ABCB5: variants seen among roughly 807,000 people sequenced by gnomAD.
ABCB5 encodes the protein ATP binding cassette subfamily B member 5.
Under a neutral mutation model 144.2 loss-of-function variants are expected in ABCB5, and 155 were observed. The observed-to-expected ratio is 1.08, with a 90% CI of 0.94 to 1.23. The LOEUF (loss-of-function observed/expected upper bound fraction) is 1.23, where lower values mean the gene tolerates loss of function less well. Ranked by LOEUF, ABCB5 falls within the 50% of genes most tolerant of loss-of-function variation. The probability of loss-of-function intolerance (pLI) is 0.00; values close to 1 mark genes in which losing one functional copy is unlikely to be tolerated. For missense variants in ABCB5, 1,830 were observed against 1,520.8 expected (o/e 1.20, Z -3.38); for synonymous variants, 610 against 528.6 (o/e 1.15, Z -2.11).
At chr7:20,659,057 C>G in intron 14 of ABCB5, 1 of 1,613,824 alleles carries the variant, frequency 6.2e-7, no homozygotes, top group Non-Finnish European at 8.5e-7. Flanking sequence ...GACCACTTTT[C>G]TTCTTTAGGA....
At chr7:20,682,583 T>C (rs1022592451) in intron 15 of ABCB5, among the ~76,000 whole-genome samples, 2 of 152,146 alleles carry the variant, frequency 1.3e-5, no homozygotes, top group African/African-American at 4.8e-5. Flanking sequence ...GTTGAGGGTA[T>C]AATGGAAAAG....
chr7:20,643,099 A>G (rs969353489), intron 5 of ABCB5, 85 bp from the exon 6 acceptor site: 39 of 1,228,744 alleles, frequency 3.2e-5, no homozygotes, highest in Middle Eastern at 1.9e-4. Flanking sequence ...AATTTCCTCA[A>G]TCAAATACTG....
intron 14 of ABCB5, among the ~76,000 whole-genome samples, chr7:20,663,406 C>T (rs1785067101): frequency 6.6e-6 from 1 of 152,048 alleles, no homozygotes; most frequent in African/African-American, 2.4e-5. Flanking sequence ...GGAATACTAC[C>T]AGTTTTTAAA....
chr7:20,648,965 G>C (rs963262936), intron 11 of ABCB5, among the ~76,000 whole-genome samples: 19 of 152,100 alleles, frequency 1.2e-4, no homozygotes, highest in Non-Finnish European at 5.9e-5. Context: ...ACTGTATTTG[G>C]ATTGGCTTCC....
rs1224928167 is a variant in ABCB5 at position 20,755,466 on chromosome 7, A to G, written c.3616A>G (p.Thr1206Ala). The change falls in exon 28 of 28, where the codon ACA becomes GCA. Residue 1206 changes from threonine to alanine, a missense_variant. Physicochemically the swap from Thr to Ala is moderately conservative, Grantham distance 58. Transcript: ENST00000404938. ...HALDKARTGR[T>A]CLVVTHRLSA... ...CCTTGATAAAGCCAGGACGGGAAGG[A>G]CATGCCTAGTGGTCACTCACAGGCT... The G allele has an allele frequency of 6.2e-7, 1 of 1,614,200 alleles. No homozygotes were observed. Among genetic ancestry groups the G allele is most frequent in the Admixed American group, 1.7e-5 (1 of 60,020 alleles).
At chr7:20,715,258 C>G (rs1317640937) in intron 20 of ABCB5, among the ~76,000 whole-genome samples, 1 of 152,118 alleles carries the variant, frequency 6.6e-6, no homozygotes, top group African/African-American at 2.4e-5. Context: ...ATTGGCCAGG[C>G]TGGTTTTGAA....
At chr7:20,645,130 G>A (rs1050311311) in intron 7 of ABCB5, among the ~76,000 whole-genome samples, 1 of 152,230 alleles carries the variant, frequency 6.6e-6, no homozygotes, top group African/African-American at 2.4e-5. Flanking sequence ...TCCAAAGGAT[G>A]CGATACCAGA....
At chr7:20,712,860 CTATT>C (rs945699737) in intron 20 of ABCB5, among the ~76,000 whole-genome samples, 6 of 149,512 alleles carry the variant, frequency 4.0e-5, no homozygotes, top group Non-Finnish European at 1.5e-5. Flanking sequence ...ATAAATTAAG[CTATT>C]TAACATATGC....
chr7:20,744,114 GAGT>G, intron 25 of ABCB5, among the ~76,000 whole-genome samples: 1 of 152,068 alleles, frequency 6.6e-6, no homozygotes, highest in Non-Finnish European at 1.5e-5. Context: ...GCCCAGGCTG[GAGT>G]ACAGTGGCGT....
rs549653853 is a variant in ABCB5 at position 20,647,242 on chromosome 7, G to A, written c.982-293G>A. ...ACACTTCAGTTAGCAGATTTTTCTG[G>A]TCACACATCCCAGCATGTGATAACC... On this transcript the variant is annotated intron_variant, in intron 9 of 27. Coordinates refer to ENST00000404938, the MANE Select transcript of ABCB5 (RefSeq NM_001163941.2). 1.1e-5 allele frequency: 12 copies of A among 1,091,032 alleles called. No homozygotes were observed. In the South Asian group the frequency reaches 3.6e-4, roughly 33 times the overall value. The allele number at this position is 1,091,032 out of a possible 1,614,324, so 67.6% of individuals were successfully genotyped here. A position where few individuals can be genotyped will look rare whatever the true frequency, so the allele number is the denominator to read the frequency against.
intron 19 of ABCB5, 92 bp downstream of exon 19, chr7:20,700,227 A>G (rs1165298561): frequency 1.8e-6 from 2 of 1,128,978 alleles, no homozygotes; most frequent in Non-Finnish European, 2.5e-6. Flanking sequence ...TTTTTGACAT[A>G]ATCTTTCTTT....
chr7:20,620,676 C>T (rs188515599), intron 1 of ABCB5, among the ~76,000 whole-genome samples: 16 of 152,030 alleles, frequency 1.1e-4, no homozygotes, highest in Non-Finnish European at 1.9e-4. Flanking sequence ...AATTGCAAAT[C>T]GCAACCACAA....
chr7:20,651,163 TG>T (rs993832275), intron 12 of ABCB5, among the ~76,000 whole-genome samples: 1 of 152,200 alleles, frequency 6.6e-6, no homozygotes, highest in Admixed American at 6.5e-5. Context: ...ATATCTAACT[TG>T]TGGATCTTAG....
chr7:20,745,996 T>G (rs572447279), intron 26 of ABCB5, among the ~76,000 whole-genome samples: 2 of 152,362 alleles, frequency 1.3e-5, no homozygotes, highest in African/African-American at 2.4e-5. Context: ...TGGTCTCTCC[T>G]GTCTCAAGAA....
At chr7:20,628,893 G>A (rs1783969377) in intron 4 of ABCB5, 55 bp downstream of exon 4, 29 of 1,571,528 alleles carry the variant, frequency 1.8e-5, no homozygotes, top group Non-Finnish European at 2.5e-5. Context: ...ATTGAATAAA[G>A]CAAACAAACG....
intron 16 of ABCB5, among the ~76,000 whole-genome samples, chr7:20,686,267 A>G (rs1054186891): frequency 6.6e-6 from 1 of 152,134 alleles, no homozygotes; most frequent in Non-Finnish European, 1.5e-5. Context: ...GCACAACCTG[A>G]GAAGCCTTGC....
At chr7:20,636,659 CCT>C (rs1372717624) in intron 5 of ABCB5, among the ~76,000 whole-genome samples, 1 of 151,534 alleles carries the variant, frequency 6.6e-6, no homozygotes, top group African/African-American at 2.4e-5. Flanking sequence ...GTGGTGGGCA[CCT>C]GTAGTCCCAG....
chr7:20,630,722 C>A (rs143139312), intron 4 of ABCB5, among the ~76,000 whole-genome samples: 2 of 152,240 alleles, frequency 1.3e-5, no homozygotes, highest in African/African-American at 4.8e-5. Context: ...AGTAAATGGG[C>A]AACCTGGCAA....
chr7:20,643,556 T>C lies in ABCB5; in HGVS notation c.602T>C (p.Val201Ala). 1.2e-6 allele frequency: 2 copies of C among 1,613,950 alleles called. No homozygotes were observed. Among genetic ancestry groups the C allele is most frequent in the Non-Finnish European group, 1.7e-6 (2 of 1,179,874 alleles). Residue 201 changes from valine to alanine, a missense_variant, in exon 7 of 28, where the codon GTG becomes GCG. Coordinates refer to ENST00000404938, the MANE Select transcript of ABCB5 (RefSeq NM_001163941.2). ...TFSIGLAVGLVKGWKLTLVTL... is the reference protein window; with the variant it reads ...TFSIGLAVGLAKGWKLTLVTL... Reference sequence around the variant, plus strand: ...TCGATTGGCCTGGCAGTTGGTTTGGTGAAGGGCTGGAAACTCACCCTAGTG... The same window carrying C: ...TCGATTGGCCTGGCAGTTGGTTTGGCGAAGGGCTGGAAACTCACCCTAGTG...
Sources: allele counts gnomAD v4.1 joint callset (sites outside exome capture counted in the v4.1 genomes callset), GRCh38; gene constraint gnomAD v4.1.1; transcripts MANE v1.5; gene names NCBI Gene and HGNC (gene_info 2026-07-23, HGNC 2026-07-21).